The following TBCCD1 variants were observed in gnomAD, a reference collection of about 807,000 sequenced individuals.
TBCCD1 encodes the protein TBCC domain-containing protein 1.
A neutral mutation model predicts 53.4 loss-of-function variants in TBCCD1; 26 were observed. The observed-to-expected ratio is 0.49, with a 90% confidence interval of 0.36 to 0.68. The LOEUF is 0.68. Among genes scored for constraint, TBCCD1 ranks in the 30% least tolerant of loss-of-function variants. TBCCD1 has a pLI of 0.00. For missense variants in TBCCD1, 558 were observed against 669.5 expected (o/e 0.83, Z 1.84); for synonymous variants, 245 against 241.7 (o/e 1.01, Z -0.13).
intron 6 of TBCCD1, among the ~76,000 whole-genome samples, chr3:186,552,665 G>A (rs1317451896): frequency 2.0e-5 from 3 of 152,090 alleles, no homozygotes; most frequent in Non-Finnish European, 4.4e-5. Flanking sequence ...CTGCTTCCTA[G>A]AACTCTCCCC....
chr3:186,556,732 A>T lies in TBCCD1; in HGVS notation c.536T>A (p.Leu179Gln). ...YSHQAFVYDH[L>Q]SDLLELLLDP... The stretch of plus-strand genomic sequence containing the variant: ...TAAAAGCAGCTCGAGGAGATCAGAC[A>T]GATGATCATAGACAAAAGCTTGGTG... The change falls in exon 4 of 8, where the codon CTG becomes CAG. Residue 179 changes from leucine to glutamine, a missense_variant. Leu to Gln is a moderately radical substitution (Grantham distance 113). Transcript: ENST00000338733. 6.2e-7 allele frequency: 1 copy of T among 1,614,200 alleles called. No homozygotes were observed. The highest frequency in any genetic ancestry group is 8.5e-7 in the Non-Finnish European group (1 of 1,180,034).
upstream of TBCCD1, among the ~76,000 whole-genome samples, chr3:186,567,885 C>A (rs1289717260): frequency 6.6e-6 from 1 of 152,246 alleles, no homozygotes; most frequent in East Asian, 1.9e-4. Flanking sequence ...AGCTCCTTAA[C>A]TCTGTTAGCT....
At chr3:186,558,826 C>T (rs926619224) in intron 2 of TBCCD1, among the ~76,000 whole-genome samples, 5 of 152,248 alleles carry the variant, frequency 3.3e-5, no homozygotes, top group Admixed American at 6.5e-5. Context: ...CTGCAACCTC[C>T]GCCTTCCTGG....
At chr3:186,560,234 G>T (rs1308472432) in intron 2 of TBCCD1, among the ~76,000 whole-genome samples, 2 of 151,942 alleles carry the variant, frequency 1.3e-5, no homozygotes, top group Non-Finnish European at 2.9e-5. Context: ...CTTCCTGAAG[G>T]TTTTATTCAT....
At chr3:186,555,481 C>T (rs1714514855) in intron 4 of TBCCD1, among the ~76,000 whole-genome samples, 1 of 152,206 alleles carries the variant, frequency 6.6e-6, no homozygotes, top group African/African-American at 2.4e-5. Flanking sequence ...ATTCACCTCT[C>T]TAAATTACCA....
intron 4 of TBCCD1, 104 bp downstream of exon 4, chr3:186,556,305 T>G (rs1714537391): frequency 1.5e-6 from 2 of 1,347,070 alleles, no homozygotes; most frequent in Non-Finnish European, 1.0e-6. Context: ...GAGCAGTATT[T>G]TTTAGGTCTT....
chr3:186,550,914 T>C (rs1714354204), intron 7 of TBCCD1, among the ~76,000 whole-genome samples: 1 of 152,174 alleles, frequency 6.6e-6, no homozygotes, highest in Non-Finnish European at 1.5e-5. Flanking sequence ...AATTTGGCCA[T>C]TATATTGGCC....
rs752345658 is a variant in TBCCD1, at chr3:186,558,485, C to T, written c.424G>A (p.Glu142Lys). ...GATTTGTTTCTGGGACTGGGCCACT[C>T]TTCGCCAATCAAAGATGTCCTTAGG... ...VSLRTSLIGEEWPSPRNKSQS... is the reference protein window; with the variant it reads ...VSLRTSLIGEKWPSPRNKSQS... The change falls in exon 3 of 8, where the codon GAG (glutamate) becomes AAG (lysine). Residue 142 changes from glutamate (E) to lysine (K), a missense_variant. Glu to Lys is a moderately conservative substitution (Grantham distance 56). Transcript: ENST00000338733. 3 of 1,614,192 alleles carry T rather than the reference C, an allele frequency of 1.9e-6. No homozygotes were observed. In the Admixed American group the frequency reaches 5.0e-5, roughly 27 times the overall value.
intron 2 of TBCCD1, among the ~76,000 whole-genome samples, chr3:186,561,522 G>A (rs1714688769): frequency 6.6e-6 from 1 of 152,234 alleles, no homozygotes; most frequent in Non-Finnish European, 1.5e-5. Context: ...GGGCGCGGTG[G>A]CTCACGCCTG....
Position 186,555,132 on chromosome 3 carries a change from AAAAC to A in TBCCD1, c.860-52_860-49del, listed in dbSNP as rs769595681. On this transcript the variant is annotated intron_variant, in intron 4 of 7. Coordinates refer to ENST00000338733, the MANE Select transcript of TBCCD1 (RefSeq NM_018138.5). ...AGATGAGGCAGTATCAAATCAAAGA[AAAAC>A]AAACAAACATATGAGGTTACACGTC... The A allele has an allele frequency of 5.7e-5, 87 of 1,530,234 alleles. No homozygotes were observed. In the African/African-American group the frequency reaches 9.0e-4, roughly 16 times the overall value. The allele number at this position is 1,530,234 out of a possible 1,614,324, so 94.8% of individuals were successfully genotyped here. A position where few individuals can be genotyped will look rare whatever the true frequency, so the allele number is the denominator to read the frequency against.
rs756667954 is a variant in TBCCD1 at position 186,564,199 on chromosome 3, G to A, written c.131C>T (p.Ala44Val). The A allele has an allele frequency of 2.5e-6, 4 of 1,614,168 alleles. No homozygotes were observed. The highest frequency in any genetic ancestry group is 3.4e-6 in the Non-Finnish European group (4 of 1,180,038). The change falls in exon 2 of 8, where the codon GCC (alanine) becomes GTC (valine). Residue 44 changes from alanine to valine, a missense_variant. Physicochemically the swap from Ala to Val is moderately conservative, Grantham distance 64 (BLOSUM62 0). Coordinates refer to ENST00000338733, the MANE Select transcript of TBCCD1 (RefSeq NM_018138.5). ...RKISTYVQIR[A>V]TEGAYPRLYW... ...GAGGCGCGGGTAAGCTCCTTCTGTG[G>A]CCCGGATTTGCACATAGGTGGATAT...
chr3:186,556,496 T>C lies in TBCCD1; in HGVS notation c.772A>G (p.Thr258Ala), dbSNP rs1310876142. The change falls in exon 4 of 8, where the codon ACC becomes GCC. Residue 258 changes from threonine (T) to alanine (A), a missense_variant. Transcript: ENST00000338733. ...SKTFSFYKLE[T>A]WLRSCLTGNP... ...CCAGTCAAACAGGACCTCAACCAGG[T>C]TTCCAGTTTGTAGAAAGAGAAAGTC... 1 of 1,610,044 alleles carries C rather than the reference T, an allele frequency of 6.2e-7. No homozygotes were observed. Among genetic ancestry groups the C allele is most frequent in the East Asian group, 2.2e-5 (1 of 44,842 alleles).
intron 7 of TBCCD1, among the ~76,000 whole-genome samples, chr3:186,547,678 C>T (rs1024250625): frequency 2.9e-4 from 43 of 150,592 alleles, no homozygotes; most frequent in Admixed American, 4.6e-4. Flanking sequence ...GTGCTCTCGG[C>T]TCACTGCAAG....
chr3:186,551,381 T>C, intron 6 of TBCCD1, 102 bp from the exon 7 acceptor site: 8 of 1,172,136 alleles, frequency 6.8e-6, no homozygotes, highest in Non-Finnish European at 7.1e-6. Context: ...TGTTAAATGA[T>C]TAATTATTTC....
upstream of TBCCD1, chr3:186,570,311 G>A: frequency 1.9e-6 from 1 of 538,372 alleles, no homozygotes; most frequent in Non-Finnish European, 3.3e-6. Flanking sequence ...GCGTAGCTGG[G>A]TATGAATGAA....
chr3:186,560,920 A>G (rs1277054953), intron 2 of TBCCD1, among the ~76,000 whole-genome samples: 3 of 152,242 alleles, frequency 2.0e-5, no homozygotes, highest in Non-Finnish European at 4.4e-5. Context: ...CTGGATCTAC[A>G]AATGCAAAAG....
At chr3:186,561,885 AG>A (rs1254996182) in intron 2 of TBCCD1, among the ~76,000 whole-genome samples, 1 of 152,234 alleles carries the variant, frequency 6.6e-6, no homozygotes, top group African/African-American at 2.4e-5. Context: ...ATTTATCCAA[AG>A]GAATTGAAAT....
rs765140925 is a variant in TBCCD1, at chr3:186,554,692, G to A, written c.1106C>T (p.Thr369Ile). ...ATTGTCACAACTGTGGAGGTGAAGT[G>A]TAGTCCCTACAGGGCCCAAGACAAA... ...SIFVLGPVGT[T>I]LHLHSCDNVK... Residue 369 changes from threonine (T) to isoleucine (I), a missense_variant, in exon 6 of 8, where the codon ACA becomes ATA. Coordinates refer to ENST00000338733, the MANE Select transcript of TBCCD1 (RefSeq NM_018138.5). The A allele has an allele frequency of 3.1e-6, 5 of 1,614,040 alleles. No individual in the cohort carries two copies. Among genetic ancestry groups the A allele is most frequent in the African/African-American group, 1.3e-5 (1 of 74,900 alleles).
chr3:186,551,420 A>T, intron 6 of TBCCD1, 141 bp from the exon 7 acceptor site: 2 of 842,936 alleles, frequency 2.4e-6, no homozygotes, highest in Non-Finnish European at 3.6e-6. Flanking sequence ...CACTGTTCAG[A>T]GTACACTGGA....
Sources: allele counts gnomAD v4.1 joint callset (sites outside exome capture counted in the v4.1 genomes callset), GRCh38; gene constraint gnomAD v4.1.1; transcripts MANE v1.5; gene names NCBI Gene and HGNC (gene_info 2026-07-23, HGNC 2026-07-21).